Variants in TDP1 observed in about 807,000 individuals in gnomAD.
TDP1 encodes tyr-DNA phosphodiesterase 1.
Under a neutral mutation model 81.5 loss-of-function variants are expected in TDP1, and 64 were observed. The ratio of observed to expected loss-of-function variants is 0.79; its 90% CI spans 0.64 to 0.97. TDP1 has a LOEUF of 0.97. TDP1 is among the 50% of genes least tolerant of loss of function. The pLI, the probability that TDP1 is intolerant of heterozygous loss-of-function variation, is 0.00. For missense variants in TDP1, 723 were observed against 743.8 expected (o/e 0.97, Z 0.33); for synonymous variants, 256 against 264.3 (o/e 0.97, Z 0.30).
At chr14:89,969,181 T>G (rs1893296123) in intron 5 of TDP1, among the ~76,000 whole-genome samples, 1 of 152,190 alleles carries the variant, frequency 6.6e-6, no homozygotes, top group African/African-American at 2.4e-5. Flanking sequence ...TGCTGTTGTC[T>G]AAGCCTCCCA....
At chr14:89,987,701 A>G (rs1416622893) in intron 10 of TDP1, among the ~76,000 whole-genome samples, 2 of 152,114 alleles carry the variant, frequency 1.3e-5, no homozygotes, top group Non-Finnish European at 2.9e-5. Flanking sequence ...CCCTCGAGGC[A>G]GTCCCCTGGT....
intron 15 of TDP1, among the ~76,000 whole-genome samples, chr14:90,022,525 C>T (rs1003299523): frequency 1.3e-5 from 2 of 152,186 alleles, no homozygotes; most frequent in Admixed American, 6.5e-5. Flanking sequence ...GCTCCATTCC[C>T]GGAGAAAGAG....
chr14:90,007,118 T>C (rs961045258), intron 14 of TDP1, among the ~76,000 whole-genome samples: 4 of 152,226 alleles, frequency 2.6e-5, no homozygotes, highest in Non-Finnish European at 5.9e-5. Context: ...TTCTTTGTTC[T>C]TTTTCTTCCC....
intron 6 of TDP1, among the ~76,000 whole-genome samples, chr14:89,972,293 G>GAA (rs34290480): frequency 0.68 from 103,169 of 151,802 alleles, 36,434 homozygotes; most frequent in African/African-American, 0.89. Context: ...AGAGGGAAGA[G>GAA]AGGGGGAAGA....
intron 16 of TDP1, among the ~76,000 whole-genome samples, chr14:90,034,039 C>A (rs557712092): frequency 6.6e-6 from 1 of 152,114 alleles, no homozygotes; most frequent in East Asian, 1.9e-4. Context: ...TGCACTCCAG[C>A]CTGAGTGACA....
chr14:90,003,040 C>T (rs1230744587), intron 14 of TDP1, among the ~76,000 whole-genome samples: 4 of 152,114 alleles, frequency 2.6e-5, no homozygotes, highest in East Asian at 1.9e-4. Context: ...CGGGTTCAAG[C>T]GATTCTTCTG....
At chr14:90,005,479 G>GTT (rs1897590695) in intron 14 of TDP1, among the ~76,000 whole-genome samples, 2 of 152,142 alleles carry the variant, frequency 1.3e-5, no homozygotes, top group Non-Finnish European at 2.9e-5. Context: ...TCATAGTTCT[G>GTT]TTAAAAGCAT....
chr14:90,033,784 C>G (rs1371063590), intron 16 of TDP1, among the ~76,000 whole-genome samples: 1 of 152,122 alleles, frequency 6.6e-6, no homozygotes, highest in East Asian at 1.9e-4. Context: ...TACATTTATG[C>G]CAGGCACGGT....
At chr14:90,006,476 T>C (rs1343739304) in intron 14 of TDP1, among the ~76,000 whole-genome samples, 3 of 152,070 alleles carry the variant, frequency 2.0e-5, no homozygotes, top group Admixed American at 2.0e-4. Flanking sequence ...CCTCCCAGGC[T>C]CAGGTGATCC....
At chr14:90,030,757 A>G (rs1035400008) in intron 15 of TDP1, among the ~76,000 whole-genome samples, 54 of 150,646 alleles carry the variant, frequency 3.6e-4, no homozygotes, top group African/African-American at 1.3e-3. Context: ...AAGCTTGATT[A>G]TCTCATTTTT....
At chr14:89,973,454 T>C (rs1472647858) in intron 6 of TDP1, among the ~76,000 whole-genome samples, 2 of 152,222 alleles carry the variant, frequency 1.3e-5, no homozygotes, top group East Asian at 1.9e-4. Flanking sequence ...TCCAAACCTC[T>C]TGGAAAGAGC....
At chr14:89,970,113 T>G (rs1313755168) in intron 5 of TDP1, among the ~76,000 whole-genome samples, 1 of 151,964 alleles carries the variant, frequency 6.6e-6, no homozygotes, top group Non-Finnish European at 1.5e-5. Context: ...CCTGACCTCG[T>G]GATCTGCCCG....
intron 14 of TDP1, among the ~76,000 whole-genome samples, chr14:90,005,737 A>T (rs552501154): frequency 4.4e-4 from 67 of 152,374 alleles, no homozygotes; most frequent in Admixed American, 1.7e-3. Context: ...TTTCCACTAT[A>T]GGAGATAGAC....
intron 15 of TDP1, among the ~76,000 whole-genome samples, chr14:90,029,494 C>T (rs943571227): frequency 1.0e-4 from 15 of 144,168 alleles, no homozygotes; most frequent in African/African-American, 2.7e-4. Context: ...CCACCGCACC[C>T]GGCCTTTTTT....
chr14:90,017,011 G>A (rs117083115), intron 14 of TDP1, among the ~76,000 whole-genome samples: 2,747 of 152,230 alleles, frequency 0.018, 43 homozygotes, highest in Non-Finnish European at 0.027. Flanking sequence ...GTAGAAAAAA[G>A]AACAATGGAA....
chr14:89,968,816 G>A (rs1179731178), intron 5 of TDP1, among the ~76,000 whole-genome samples: 1 of 152,138 alleles, frequency 6.6e-6, no homozygotes, highest in Non-Finnish European at 1.5e-5. Flanking sequence ...CAGTTCCTTT[G>A]TATCTGTTAT....
chr14:90,028,916 A>G (rs1886950631), intron 15 of TDP1, among the ~76,000 whole-genome samples: 2 of 152,178 alleles, frequency 1.3e-5, no homozygotes, highest in African/African-American at 4.8e-5. Context: ...AATAGGAGCT[A>G]AAGAAGAGAG....
At position 89,984,453 on chromosome 14, in the gene TDP1, G is replaced by A. The variant is rs531306801; in HGVS notation, c.885-63G>A. The A allele has an allele frequency of 1.3e-5, 21 of 1,607,516 alleles. No homozygotes were observed. The Admixed American group carries it at 2.3e-4, about 18-fold the overall frequency. The stretch of plus-strand genomic sequence containing the variant: ...TCTTTCTTAGGATGAAGGCATAATC[G>A]ATACAGAGATCATTATGATCAGTTG... On this transcript the variant is annotated intron_variant, in intron 8 of 16. Transcript: ENST00000335725.
At chr14:90,010,869 T>C (rs1448125545) in intron 14 of TDP1, among the ~76,000 whole-genome samples, 1 of 152,182 alleles carries the variant, frequency 6.6e-6, no homozygotes, top group East Asian at 1.9e-4. Context: ...AACAGTATCA[T>C]AGTTTAAAAA....
Sources: allele counts gnomAD v4.1 joint callset (sites outside exome capture counted in the v4.1 genomes callset), GRCh38; gene constraint gnomAD v4.1.1; transcripts MANE v1.5; gene names NCBI Gene and HGNC (gene_info 2026-07-23, HGNC 2026-07-21).